The following HHAT variants were observed in gnomAD, a reference collection of about 807,000 sequenced individuals.
HHAT encodes the protein protein-cysteine N-palmitoyltransferase HHAT.
In HHAT, 47 loss-of-function variants were observed where a neutral mutation model predicts 70.8. The ratio of observed to expected loss-of-function variants is 0.66; its 90% CI spans 0.53 to 0.85. The LOEUF is 0.85. Ranked by LOEUF, HHAT falls within the 40% of genes least tolerant of loss-of-function variation. The pLI is 0.00. For missense variants in HHAT, 609 were observed against 604.8 expected (o/e 1.01, Z -0.07); for synonymous variants, 228 against 247.6 (o/e 0.92, Z 0.74).
At chr1:210,345,144 G>A (rs895532984) in intron 1 of HHAT, among the ~76,000 whole-genome samples, 1 of 152,078 alleles carries the variant, frequency 6.6e-6, no homozygotes, top group African/African-American at 2.4e-5. Context: ...CCTGTGTTTG[G>A]TAACGAGTGT....
At chr1:210,600,670 C>T (rs1344928411) in intron 10 of HHAT, among the ~76,000 whole-genome samples, 2 of 152,140 alleles carry the variant, frequency 1.3e-5, no homozygotes, top group Non-Finnish European at 2.9e-5. Flanking sequence ...TGCTGGAGCA[C>T]TGTGCTTTTT....
intron 10 of HHAT, among the ~76,000 whole-genome samples, chr1:210,593,794 A>T (rs1553289077): frequency 1.6e-4 from 25 of 152,110 alleles, no homozygotes. Context: ...TTATTGGGGT[A>T]TCTCTCTTTA....
At chr1:210,348,093 G>T (rs556589149) in intron 1 of HHAT, among the ~76,000 whole-genome samples, 1 of 152,152 alleles carries the variant, frequency 6.6e-6, no homozygotes, top group South Asian at 2.1e-4. Context: ...GAAATGTACA[G>T]ATGAGGCCTG....
chr1:210,493,394 T>G lies in HHAT; in HGVS notation c.1008-19759T>G, dbSNP rs566041423. Among the ~76,000 whole-genome samples the G allele has an allele frequency of 1.3e-3, 192 of 152,286 alleles. No individual in the cohort carries two copies. The Middle Eastern group carries it at 0.014, about 11-fold the overall frequency. ...AATCAAAGGTAGTCTGCAGACAGAA[T>G]TACTTCCTCTTTGGGGTCCTCGGTC... is the stretch of plus-strand genomic sequence containing the variant. On this transcript the variant is annotated intron_variant, in intron 8 of 11. Transcript: ENST00000261458.
At chr1:210,585,984 C>CA in intron 9 of HHAT, among the ~76,000 whole-genome samples, 1 of 152,208 alleles carries the variant, frequency 6.6e-6, no homozygotes, top group Non-Finnish European at 1.5e-5. Context: ...ATTCTTGCTA[C>CA]AATAAAGATG....
intron 9 of HHAT, among the ~76,000 whole-genome samples, chr1:210,585,512 G>T (rs6695212): frequency 0.96 from 146,430 of 152,174 alleles, 70,716 homozygotes; most frequent in East Asian, 1. Flanking sequence ...TCCTCCTCCC[G>T]GGTTCAAATG....
chr1:210,390,335 A>G (rs1302491810), intron 4 of HHAT, among the ~76,000 whole-genome samples: 1 of 152,200 alleles, frequency 6.6e-6, no homozygotes, highest in Non-Finnish European at 1.5e-5. Flanking sequence ...CTACTGGTGC[A>G]GTTTTATTAA....
intron 10 of HHAT, among the ~76,000 whole-genome samples, chr1:210,605,396 C>T (rs148712928): frequency 2.0e-5 from 3 of 152,330 alleles, no homozygotes; most frequent in African/African-American, 7.2e-5. Flanking sequence ...ACCCCATTCA[C>T]TTCATGTCTC....
At chr1:210,331,691 T>C (rs1305548296) in intron 1 of HHAT, among the ~76,000 whole-genome samples, 3 of 152,204 alleles carry the variant, frequency 2.0e-5, no homozygotes, top group African/African-American at 7.2e-5. Flanking sequence ...TTTCAAAATC[T>C]CTGCTAATGT....
chr1:210,582,248 G>A (rs1441420278), intron 9 of HHAT, among the ~76,000 whole-genome samples: 1 of 152,154 alleles, frequency 6.6e-6, no homozygotes, highest in Non-Finnish European at 1.5e-5. Flanking sequence ...TTTAGGATTT[G>A]TCACCAAAGC....
At chr1:210,492,221 T>C (rs1325813955) in intron 8 of HHAT, among the ~76,000 whole-genome samples, 2 of 152,172 alleles carry the variant, frequency 1.3e-5, no homozygotes, top group Non-Finnish European at 2.9e-5. Flanking sequence ...CTGAACAGCC[T>C]ACCAGATATC....
chr1:210,471,647 G>A (rs758842720), intron 8 of HHAT, among the ~76,000 whole-genome samples: 1 of 152,078 alleles, frequency 6.6e-6, no homozygotes, highest in Non-Finnish European at 1.5e-5. Context: ...AATAATAATC[G>A]TAATAATAAC....
intron 11 of HHAT, among the ~76,000 whole-genome samples, chr1:210,668,096 T>G (rs550843471): frequency 6.6e-6 from 1 of 152,340 alleles, no homozygotes; most frequent in East Asian, 1.9e-4. Flanking sequence ...TTATTTTACT[T>G]AATATGATGT....
intron 11 of HHAT, among the ~76,000 whole-genome samples, chr1:210,650,402 C>T (rs1326298976): frequency 2.6e-5 from 4 of 152,162 alleles, no homozygotes; most frequent in Non-Finnish European, 4.4e-5. Flanking sequence ...GAGGATAGGA[C>T]ATCTTACTCC....
chr1:210,643,755 C>A (rs1483090053), intron 11 of HHAT, among the ~76,000 whole-genome samples: 1 of 151,446 alleles, frequency 6.6e-6, no homozygotes, highest in Non-Finnish European at 1.5e-5. Flanking sequence ...GAAAAAGGAA[C>A]ATCTTATTCA....
intron 9 of HHAT, among the ~76,000 whole-genome samples, chr1:210,524,888 G>A (rs543079866): frequency 6.6e-6 from 1 of 151,948 alleles, no homozygotes; most frequent in African/African-American, 2.4e-5. Context: ...TGCTTGCCTG[G>A]TGTGTTCTAA....
chr1:210,472,855 T>G (rs1381943632), intron 8 of HHAT, among the ~76,000 whole-genome samples: 1 of 152,194 alleles, frequency 6.6e-6, no homozygotes, highest in African/African-American at 2.4e-5. Context: ...TAGGTGGATT[T>G]CAAGATTTTC....
intron 9 of HHAT, among the ~76,000 whole-genome samples, chr1:210,565,008 G>C (rs1654321796): frequency 6.6e-6 from 1 of 152,174 alleles, no homozygotes; most frequent in African/African-American, 2.4e-5. Flanking sequence ...AGACTGGAGT[G>C]CATCTTTAGG....
At chr1:210,381,504 C>T (rs1412198733) in intron 3 of HHAT, among the ~76,000 whole-genome samples, 2 of 152,118 alleles carry the variant, frequency 1.3e-5, no homozygotes, top group Non-Finnish European at 2.9e-5. Context: ...TGGTCTCGAG[C>T]TCCTGGCCTC....
Sources: gnomAD v4.1 joint callset for allele counts (sites outside exome capture counted in the v4.1 genomes callset) on GRCh38, gnomAD v4.1.1 for gene constraint, MANE v1.5 for transcripts, NCBI Gene and HGNC (gene_info 2026-07-23, HGNC 2026-07-21) for gene names.